The following GRIA2 variants were observed in gnomAD, a reference collection of about 807,000 sequenced individuals.
GRIA2 encodes glutamate ionotropic receptor AMPA type subunit 2.
GRIA2 carries 14 observed loss-of-function variants against 97.3 expected under a neutral mutation model. That is an observed-to-expected ratio of 0.14 (90% CI 0.10 to 0.23). The LOEUF is 0.23. Among genes scored for constraint, GRIA2 ranks in the 10% least tolerant of loss-of-function variants. GRIA2 has a pLI of 1.00. For missense variants in GRIA2, 558 were observed against 1,069.8 expected (o/e 0.52, Z 6.67); for synonymous variants, 412 against 387.8 (o/e 1.06, Z -0.73).
chr4:157,253,505 G>C (rs1731105907), intron 2 of GRIA2, among the ~76,000 whole-genome samples: 1 of 152,054 alleles, frequency 6.6e-6, no homozygotes, highest in Admixed American at 6.6e-5. Context: ...TAATTTTTAA[G>C]ATTGTATAAG....
rs780109207 is a variant in GRIA2, at chr4:157,359,974, G to A, written c.2122G>A (p.Ala708Thr). The A allele has an allele frequency of 6.2e-7, 1 of 1,613,882 alleles. No homozygotes were observed. Among genetic ancestry groups the A allele is most frequent in the Non-Finnish European group, 8.5e-7 (1 of 1,179,890 alleles). The change falls in exon 13 of 16, where the codon GCC becomes ACC. Residue 708 changes from alanine (A) to threonine (T), a missense_variant. Ala to Thr is a moderately conservative substitution (Grantham distance 58). Transcript: ENST00000264426. ...GCCCTCTGTGTTTGTGAGGACTACG[G>A]CCGAAGGGGTGGCTAGAGTGCGGAA... ...AEPSVFVRTTAEGVARVRKSK... is the reference protein window; with the variant it reads ...AEPSVFVRTTTEGVARVRKSK...
intron 12 of GRIA2, among the ~76,000 whole-genome samples, chr4:157,359,440 C>T (rs547902562): frequency 8.7e-4 from 133 of 152,176 alleles, no homozygotes; most frequent in African/African-American, 3.1e-3. Context: ...TATTCCACAG[C>T]GAATAGGCAT....
chr4:157,225,140 T>C (rs945773753), intron 2 of GRIA2, among the ~76,000 whole-genome samples: 2 of 152,064 alleles, frequency 1.3e-5, no homozygotes, highest in Non-Finnish European at 2.9e-5. Context: ...TGGGTTAAGG[T>C]TATACAAAGA....
intron 2 of GRIA2, among the ~76,000 whole-genome samples, chr4:157,226,069 A>T (rs987934224): frequency 5.9e-5 from 9 of 151,928 alleles, no homozygotes; most frequent in African/African-American, 2.2e-4. Flanking sequence ...ACTCCCCAGA[A>T]CCTTCCCTTT....
chr4:157,326,194 T>C (rs576080993), intron 6 of GRIA2, among the ~76,000 whole-genome samples: 1 of 152,270 alleles, frequency 6.6e-6, no homozygotes, highest in East Asian at 1.9e-4. Flanking sequence ...TTTGCATGGC[T>C]AAGTCTCCTG....
At chr4:157,335,045 CT>C (rs1735219544) in intron 9 of GRIA2, 2 of 153,138 alleles carry the variant, frequency 1.3e-5, no homozygotes, top group South Asian at 4.1e-4. Flanking sequence ...TTCATTTTTT[CT>C]TGCTTCCTTT....
At chr4:157,223,191 G>GTA (rs1465148940) in intron 2 of GRIA2, among the ~76,000 whole-genome samples, 4 of 151,992 alleles carry the variant, frequency 2.6e-5, no homozygotes, top group Non-Finnish European at 5.9e-5. Flanking sequence ...TTATCATATT[G>GTA]GGCCCATCAT....
At chr4:157,233,451 T>C (rs1358076837) in intron 2 of GRIA2, among the ~76,000 whole-genome samples, 9 of 152,156 alleles carry the variant, frequency 5.9e-5, no homozygotes, top group African/African-American at 1.7e-4. Flanking sequence ...ATGTAATTAA[T>C]TAAATTAAAT....
rs1736641799 is a variant in GRIA2, at chr4:157,361,780, A to C, written c.2406+656A>C. The C allele has an allele frequency of 1.6e-6, 1 of 642,134 alleles. No individual in the cohort carries two copies. Among genetic ancestry groups the C allele is most frequent in the Admixed American group, 2.8e-5 (1 of 35,988 alleles). The allele number at this position is 642,134 out of a possible 1,614,324, so 39.8% of individuals were successfully genotyped here. A position where few individuals can be genotyped will look rare whatever the true frequency, so the allele number is the denominator to read the frequency against. ...AAATGCAAATATGCATGAGATGCAT[A>C]ATTTGGTAAGATGTTTTGGTAATGC... On this transcript the variant is annotated intron_variant, in intron 14 of 15. Transcript: ENST00000264426. This position sits in a 1 kb window ranked among gnomAD's most constrained non-coding sequence, Gnocchi z 5.2.
chr4:157,255,438 G>T (rs1304635026), intron 2 of GRIA2, among the ~76,000 whole-genome samples: 1 of 151,940 alleles, frequency 6.6e-6, no homozygotes, highest in Non-Finnish European at 1.5e-5. Flanking sequence ...GGGATTGCTG[G>T]ATAAAATCCT....
chr4:157,235,561 T>C (rs569243102), intron 2 of GRIA2, among the ~76,000 whole-genome samples: 1 of 152,108 alleles, frequency 6.6e-6, no homozygotes, highest in Admixed American at 6.6e-5. Context: ...AGATTCTCAA[T>C]GGAAGGTGAA....
At chr4:157,325,752 T>G (rs1734776384) in intron 6 of GRIA2, among the ~76,000 whole-genome samples, 1 of 152,128 alleles carries the variant, frequency 6.6e-6, no homozygotes, top group Non-Finnish European at 1.5e-5. Flanking sequence ...GTAATCTACA[T>G]CCTATGAATC....
chr4:157,221,591 G>C, intron 1 of GRIA2, 76 bp from the exon 2 acceptor site: 1 of 1,467,736 alleles, frequency 6.8e-7, no homozygotes, highest in South Asian at 1.2e-5. Context: ...TTGGATTTTT[G>C]GGCGCTAGCG....
At chr4:157,310,453 A>G (rs1734030128) in intron 3 of GRIA2, among the ~76,000 whole-genome samples, 1 of 152,118 alleles carries the variant, frequency 6.6e-6, no homozygotes, top group South Asian at 2.1e-4. Context: ...TTAGAATGCT[A>G]TAAAGATTCC....
intron 7 of GRIA2, 117 bp downstream of exon 7, chr4:157,333,103 T>C: frequency 1.0e-6 from 1 of 977,174 alleles, no homozygotes; most frequent in Non-Finnish European, 1.5e-6. Flanking sequence ...AATGTTCTTT[T>C]CTAACAACAC....
intron 6 of GRIA2, among the ~76,000 whole-genome samples, chr4:157,324,262 C>G (rs932399657): frequency 1.3e-5 from 2 of 152,062 alleles, no homozygotes; most frequent in African/African-American, 4.8e-5. Flanking sequence ...ATAAAAATTA[C>G]TGAAAATCTG....
Position 157,364,926 on chromosome 4 carries a change from T to C in GRIA2, c.*1495T>C, listed in dbSNP as rs1399353779. 1 of 151,626 alleles carries C rather than the reference T, an allele frequency of 6.6e-6. No individual in the cohort carries two copies. The allele number at this position is 151,626 out of a possible 1,614,324, so 9.4% of individuals were successfully genotyped here. A position where few individuals can be genotyped will look rare whatever the true frequency, so the allele number is the denominator to read the frequency against. On this transcript the variant is annotated 3_prime_UTR_variant, in exon 16 of 16. Transcript: ENST00000264426. ...CTTTTGACTAAAGAGCCTATATTTATCTAGTTAATGAATTTAAAGGATCTA... is the reference window on the plus strand; with the variant it reads ...CTTTTGACTAAAGAGCCTATATTTACCTAGTTAATGAATTTAAAGGATCTA...
At chr4:157,322,413 T>A (rs1734618840) in intron 6 of GRIA2, among the ~76,000 whole-genome samples, 1 of 152,218 alleles carries the variant, frequency 6.6e-6, no homozygotes, top group South Asian at 2.1e-4. Context: ...TCTTGAACGC[T>A]AAATATTATT....
chr4:157,311,976 G>A (rs930849464), intron 3 of GRIA2, among the ~76,000 whole-genome samples: 3 of 151,972 alleles, frequency 2.0e-5, no homozygotes, highest in African/African-American at 7.2e-5. Context: ...TATAAGCAAA[G>A]TTACTAACAG....
Sources: allele counts gnomAD v4.1 joint callset (sites outside exome capture counted in the v4.1 genomes callset), GRCh38; gene constraint gnomAD v4.1.1; non-coding constraint Gnocchi (gnomAD v3.1); transcripts MANE v1.5; gene names NCBI Gene and HGNC (gene_info 2026-07-23, HGNC 2026-07-21).